Variants in POU6F1 observed in about 807,000 individuals in gnomAD.
POU6F1 encodes the protein POU class 6 homeobox 1, also known as POU domain, class 6, transcription factor 1.
A neutral mutation model predicts 28.9 loss-of-function variants in POU6F1; 9 were observed. The observed-to-expected ratio is 0.31, with a 90% CI of 0.19 to 0.54. POU6F1 has a LOEUF of 0.54. POU6F1 is among the 20% of genes least tolerant of loss of function. The probability of loss-of-function intolerance (pLI) is 0.94; values close to 1 mark genes in which losing one functional copy is unlikely to be tolerated. For synonymous variants in POU6F1, 173 were observed against 171.1 expected (o/e 1.01, Z -0.09); for missense variants, 338 against 426.1 (o/e 0.79, Z 1.82).
At chr12:51,209,169 T>C (rs1943824488) in intron 1 of POU6F1, among the ~76,000 whole-genome samples, 1 of 152,200 alleles carries the variant, frequency 6.6e-6, no homozygotes, top group Non-Finnish European at 1.5e-5. Context: ...TTTAGCCACT[T>C]TAAAGTGCTC....
Position 51,188,770 on chromosome 12 carries a change from GA to G in POU6F1, c.*1476del, listed in dbSNP as rs1286060712. Reference sequence around the variant, plus strand: ...GGAGGTCCACTGGAGGCAGCTGTTAGAGACCAGCCTCTGTAAGGATAAGAGT... The same window carrying G: ...GGAGGTCCACTGGAGGCAGCTGTTAGGACCAGCCTCTGTAAGGATAAGAGT... On this transcript the variant is annotated 3_prime_UTR_variant, in exon 11 of 11. Transcript: ENST00000333640. 6.6e-6 allele frequency: 1 copy of G among 152,238 alleles called. No individual in the cohort carries two copies. Among genetic ancestry groups the G allele is most frequent in the African/African-American group, 2.4e-5 (1 of 41,462 alleles). 9.4% of individuals were successfully genotyped at this position (152,238 alleles called of 1,614,324 possible). A position where few individuals can be genotyped will look rare whatever the true frequency, so the allele number is the denominator to read the frequency against.
Position 51,217,331 on chromosome 12 carries a change from G to A in POU6F1, c.-48+311C>T, listed in dbSNP as rs114712685. Among the ~76,000 whole-genome samples, 10,102 of 152,106 alleles carry A rather than the reference G, an allele frequency of 0.066. 575 individuals are homozygous for A. The highest frequency in any genetic ancestry group is 0.18 in the East Asian group (897 of 5,110). The stretch of plus-strand genomic sequence containing the variant: ...AGAAACGGGGAGGGGCCAGGTCGGG[G>A]TTCCCCACCGGGTCCACCTGGCGGC... On this transcript the variant is annotated intron_variant, in intron 1 of 10. Coordinates refer to ENST00000333640, the MANE Select transcript of POU6F1 (RefSeq NM_001330422.2). This position sits in a 1 kb window ranked among gnomAD's most constrained non-coding sequence, Gnocchi z 5.3.
At position 51,195,952 on chromosome 12, in the gene POU6F1, C is replaced by G. The variant is rs764525708; in HGVS notation, c.1179+18G>C. 4 of 1,377,694 alleles carry G rather than the reference C, an allele frequency of 2.9e-6. No homozygotes were observed. The highest frequency in any genetic ancestry group is 4.0e-6 in the Non-Finnish European group (4 of 1,011,094). The allele number at this position is 1,377,694 out of a possible 1,614,324, so 85.3% of individuals were successfully genotyped here. On this transcript the variant is annotated intron_variant, in intron 8 of 10. Transcript: ENST00000333640. The stretch of plus-strand genomic sequence containing the variant: ...TAGCAGAGCCTGCCCCACCCCCCAC[C>G]CCCCCCAGCCCCTGTACCTCACTCT...
chr12:51,205,034 CTTT>C (rs767521766), intron 2 of POU6F1, among the ~76,000 whole-genome samples: 1 of 113,648 alleles, frequency 8.8e-6, no homozygotes, highest in Non-Finnish European at 1.8e-5. Flanking sequence ...TGGACTGCAG[CTTT>C]TTTTTTTTTT....
At chr12:51,211,997 A>C (rs562516859) in intron 1 of POU6F1, among the ~76,000 whole-genome samples, 1 of 152,120 alleles carries the variant, frequency 6.6e-6, no homozygotes, top group South Asian at 2.1e-4. Flanking sequence ...TATCCCAAAC[A>C]AATCAGAACT....
intron 2 of POU6F1, among the ~76,000 whole-genome samples, chr12:51,205,973 C>G (rs1028361314): frequency 1.3e-5 from 2 of 150,664 alleles, no homozygotes; most frequent in African/African-American, 4.9e-5. Flanking sequence ...TGCCCACCAC[C>G]ACGCCCGGCT....
intron 9 of POU6F1, 51 bp from the exon 10 acceptor site, chr12:51,191,815 CT>C (rs771886877): frequency 6.2e-7 from 1 of 1,602,862 alleles, no homozygotes; most frequent in Non-Finnish European, 8.5e-7. Flanking sequence ...GGAACCATCC[CT>C]GCTTATCTGG....
intron 2 of POU6F1, among the ~76,000 whole-genome samples, chr12:51,206,118 CT>C (rs1253916141): frequency 1.4e-5 from 2 of 144,952 alleles, no homozygotes; most frequent in Admixed American, 1.4e-4. Context: ...CGTGCCTGGC[CT>C]TTTTTTCTCC....
chr12:51,197,046 C>T (rs1942874290), intron 6 of POU6F1, 119 bp from the exon 7 acceptor site: 2 of 607,224 alleles, frequency 3.3e-6, no homozygotes, highest in African/African-American at 1.9e-5. Context: ...AGGCCCATGT[C>T]TACCGGCTGG....
Position 51,190,523 on chromosome 12 carries a change from G to T in POU6F1, c.1560C>A (p.Asn520Lys). ...CTTCCTGGTTCCGCAGTTCAGCTTC[G>T]TTTAGCCACTTTTCCAGCACCGGCT... is the stretch of plus-strand genomic sequence containing the variant. ...KLKPVLEKWL[N>K]EAELRNQEGQ... The change falls in exon 11 of 11, where the codon AAC (asparagine) becomes AAA (lysine). Residue 520 changes from asparagine to lysine, a missense_variant. Around this residue, in one of 3 missense-constraint regions of POU6F1, gnomAD observed 126 missense variants for 176.5 expected, o/e 0.71. Coordinates refer to ENST00000333640, the MANE Select transcript of POU6F1 (RefSeq NM_001330422.2). The surrounding 1 kb of genome is among the most constrained non-coding windows in gnomAD (Gnocchi z 4.5). 1 of 1,614,136 alleles carries T rather than the reference G, an allele frequency of 6.2e-7. No individual in the cohort carries two copies. Among genetic ancestry groups the T allele is most frequent in the Non-Finnish European group, 8.5e-7 (1 of 1,180,026 alleles).
At chr12:51,214,725 G>A (rs1472490156) in intron 1 of POU6F1, among the ~76,000 whole-genome samples, 1 of 152,038 alleles carries the variant, frequency 6.6e-6, no homozygotes, top group Admixed American at 6.6e-5. Flanking sequence ...ATCACTTGAG[G>A]TCAGGAGTTG....
intron 1 of POU6F1, among the ~76,000 whole-genome samples, chr12:51,214,409 C>G (rs1944182024): frequency 6.6e-6 from 1 of 152,042 alleles, no homozygotes; most frequent in African/African-American, 2.4e-5. Flanking sequence ...ATCCTCCTGA[C>G]ACCACACAGA....
chr12:51,209,637 T>C (rs557975026), intron 1 of POU6F1, among the ~76,000 whole-genome samples: 3 of 152,334 alleles, frequency 2.0e-5, no homozygotes, highest in South Asian at 4.1e-4. Flanking sequence ...TCTTTGGGTA[T>C]ATACCTAGGA....
chr12:51,212,187 G>A (rs113107322), intron 1 of POU6F1, among the ~76,000 whole-genome samples: 10,067 of 151,700 alleles, frequency 0.066, 567 homozygotes, highest in East Asian at 0.2. Flanking sequence ...TCCGCCTCCC[G>A]GGTTCAGGTG....
chr12:51,198,339 G>A (rs547368792), intron 5 of POU6F1, among the ~76,000 whole-genome samples: 3 of 152,330 alleles, frequency 2.0e-5, no homozygotes, highest in South Asian at 2.1e-4. Context: ...GCCGAAGTAC[G>A]GCAGGCCTGC....
At chr12:51,215,213 T>C (rs1236504338) in intron 1 of POU6F1, among the ~76,000 whole-genome samples, 1 of 151,958 alleles carries the variant, frequency 6.6e-6, no homozygotes, top group Non-Finnish European at 1.5e-5. Flanking sequence ...CTACTTCAAA[T>C]GTTTTGCCTC....
At position 51,188,380 on chromosome 12, in the gene POU6F1, T is replaced by C. The variant is rs1942167756; in HGVS notation, c.*1867A>G. 6.6e-6 allele frequency: 1 copy of C among 152,184 alleles called. No individual in the cohort carries two copies. The highest frequency in any genetic ancestry group is 1.5e-5 in the Non-Finnish European group (1 of 68,028). The allele number at this position is 152,184 out of a possible 1,614,324, so 9.4% of individuals were successfully genotyped here. On this transcript the variant is annotated 3_prime_UTR_variant, in exon 11 of 11. Transcript: ENST00000333640. ...TGAACTAGAGTGTGGAGACTCTCTG[T>C]TGGAGACACGCTCTCCTGAAAAGCT...
intron 8 of POU6F1, among the ~76,000 whole-genome samples, chr12:51,194,851 T>C (rs1203632802): frequency 2.6e-5 from 4 of 152,190 alleles, no homozygotes; most frequent in African/African-American, 9.6e-5. Flanking sequence ...TTATGATCCC[T>C]GTTCACAGAT....
chr12:51,201,214 T>A (rs1445965261), intron 3 of POU6F1, among the ~76,000 whole-genome samples: 1 of 152,164 alleles, frequency 6.6e-6, no homozygotes, highest in Non-Finnish European at 1.5e-5. Context: ...TGGGAAGGCG[T>A]CAACCTCAAC....
Sources: gnomAD v4.1 joint callset for allele counts (sites outside exome capture counted in the v4.1 genomes callset) on GRCh38, gnomAD v4.1.1 for gene constraint, gnomAD v4.1.1 regional missense constraint, Gnocchi (gnomAD v3.1) non-coding constraint, MANE v1.5 for transcripts, NCBI Gene and HGNC (gene_info 2026-07-23, HGNC 2026-07-21) for gene names.